BAZ1B: variants seen among roughly 807,000 people sequenced by gnomAD.
BAZ1B encodes bromodomain adjacent to zinc finger domain 1B, also known as tyrosine-protein kinase BAZ1B.
In BAZ1B, 22 loss-of-function variants were observed where a neutral mutation model predicts 153.8. The ratio of observed to expected loss-of-function variants is 0.14; its 90% CI spans 0.10 to 0.20. BAZ1B has a LOEUF of 0.20. BAZ1B is among the 10% of genes least tolerant of loss of function. The probability of loss-of-function intolerance (pLI) is 1.00; values close to 1 mark genes in which losing one functional copy is unlikely to be tolerated. For synonymous variants in BAZ1B, 676 were observed against 633.4 expected, an observed-to-expected ratio of 1.07 and a Z score of -1.01; for missense variants, 1,325 against 1,799.3, an observed-to-expected ratio of 0.74 and a Z score of 4.77.
chr7:73,498,553 T>C lies in BAZ1B; in HGVS notation c.515A>G (p.Asp172Gly), dbSNP rs1790007181. 3.1e-6 allele frequency: 5 copies of C among 1,614,014 alleles called. No individual in the cohort carries two copies. Among genetic ancestry groups the C allele is most frequent in the Admixed American group, 1.7e-5 (1 of 59,988 alleles). ...CACAACTGTCTCCTTCTTCTGATGG[T>C]CCTGAGCAATCTGACTGGAGTTCTC... ...DKENSSQIAQ[D>G]HQKKETVVKE... is the part of the protein sequence containing the mutation. Residue 172 changes from aspartate (D) to glycine (G), a missense_variant, in exon 4 of 20, where the codon GAC becomes GGC. Transcript: ENST00000339594.
intron 11 of BAZ1B, 124 bp downstream of exon 11, chr7:73,465,315 A>T (rs111313072): frequency 1.7e-5 from 10 of 602,740 alleles, no homozygotes; most frequent in Middle Eastern, 4.7e-4. Flanking sequence ...ATGAACACAA[A>T]ACGGTTACAC....
At chr7:73,509,987 CGTG>C (rs1790511387) in intron 2 of BAZ1B, among the ~76,000 whole-genome samples, 1 of 150,066 alleles carries the variant, frequency 6.7e-6, no homozygotes, top group African/African-American at 2.5e-5. Context: ...ATTAGCCAGG[CGTG>C]GTGGTGAGCG....
At chr7:73,514,546 A>C (rs190006084) in intron 1 of BAZ1B, among the ~76,000 whole-genome samples, 1,540 of 152,110 alleles carry the variant, frequency 0.01, 16 homozygotes, top group Non-Finnish European at 0.016. Flanking sequence ...AAAAAAAAAA[A>C]AAAACTGCAT....
At chr7:73,442,119 G>C (rs1583878646) in intron 19 of BAZ1B, 62 bp downstream of exon 19, 1 of 1,074,898 alleles carries the variant, frequency 9.3e-7, no homozygotes, top group East Asian at 2.4e-5. Flanking sequence ...CCAGGTTCTT[G>C]GTCTTCCTCG....
At chr7:73,442,136 T>TGGCCCCC in intron 19 of BAZ1B, 45 bp downstream of exon 19, 1 of 573,492 alleles carries the variant, frequency 1.7e-6, no homozygotes. Flanking sequence ...CTCGCTCGCC[T>TGGCCCCC]CCCTCCCACC....
intron 7 of BAZ1B, among the ~76,000 whole-genome samples, chr7:73,473,653 AC>A (rs1788896498): frequency 6.6e-6 from 1 of 152,224 alleles, no homozygotes; most frequent in Non-Finnish European, 1.5e-5. Context: ...AGTAGTGTAA[AC>A]TAAAATTTGT....
intron 1 of BAZ1B, among the ~76,000 whole-genome samples, chr7:73,511,546 C>CA (rs1343194041): frequency 6.6e-6 from 1 of 151,216 alleles, no homozygotes; most frequent in South Asian, 2.1e-4. Context: ...TCGTGTTTTA[C>CA]AAAAAAAATT....
intron 1 of BAZ1B, among the ~76,000 whole-genome samples, chr7:73,515,432 G>A (rs1162178761): frequency 2.0e-5 from 3 of 151,992 alleles, no homozygotes; most frequent in Non-Finnish European, 4.4e-5. Flanking sequence ...TCCCGGAAGA[G>A]GCTTAAAGTC....
intron 1 of BAZ1B, among the ~76,000 whole-genome samples, chr7:73,515,818 C>A (rs537223861): frequency 8.5e-5 from 13 of 152,196 alleles, no homozygotes; most frequent in African/African-American, 3.1e-4. Context: ...CTGGCATGAA[C>A]AACCATACCA....
chr7:73,506,357 G>T (rs1790341100), intron 3 of BAZ1B, among the ~76,000 whole-genome samples: 1 of 151,916 alleles, frequency 6.6e-6, no homozygotes, highest in African/African-American at 2.4e-5. Context: ...AAATTAGCCG[G>T]GGGTGGTGGT....
At chr7:73,487,353 C>T (rs578240831) in intron 6 of BAZ1B, among the ~76,000 whole-genome samples, 3 of 152,040 alleles carry the variant, frequency 2.0e-5, no homozygotes, top group Non-Finnish European at 4.4e-5. Context: ...CACTTGAGCC[C>T]AGAAATTTCA....
At chr7:73,499,291 G>A (rs558027707) in intron 3 of BAZ1B, among the ~76,000 whole-genome samples, 1 of 152,216 alleles carries the variant, frequency 6.6e-6, no homozygotes, top group East Asian at 1.9e-4. Flanking sequence ...GCCTCCCAAA[G>A]GGCTGGGATT....
Position 73,470,389 on chromosome 7 carries a change from T to A in BAZ1B, c.2688A>T (p.Leu896=). 2 of 1,614,150 alleles carry A rather than the reference T, an allele frequency of 1.2e-6. No homozygotes were observed. The highest frequency in any genetic ancestry group is 1.7e-6 in the Non-Finnish European group (2 of 1,180,006). Residue 896 remains leucine (L), a synonymous_variant, in exon 8 of 20, where the codon CTA becomes CTT. Coordinates refer to ENST00000339594, the MANE Select transcript of BAZ1B (RefSeq NM_032408.4). ...AFQEGIAKAK[L]VMRRTPIGTD... ...TGCCAATAGGAGTCCTGCGCATGACTAGTTTGGCCTTGGCAATCCCTTCCT... is the reference window on the plus strand; with the variant it reads ...TGCCAATAGGAGTCCTGCGCATGACAAGTTTGGCCTTGGCAATCCCTTCCT...
rs1787873009 is a variant in BAZ1B at position 73,447,292 on chromosome 7, T to C, written c.3816A>G (p.Glu1272=). 1.9e-6 allele frequency: 3 copies of C among 1,609,042 alleles called. No homozygotes were observed. The highest frequency in any genetic ancestry group is 1.3e-5 in the African/African-American group (1 of 74,994). ...GCAAACCAGCCACCTCATAATCTTC[T>C]TCCTCCTCCTCCTCTTCTTCCTCCT... ...EEEEEEEEEE[E]EDYEVAGLRL... The change falls in exon 16 of 20, where the codon GAA becomes GAG. Residue 1272 remains glutamate (E), a synonymous_variant. Transcript: ENST00000339594.
intron 19 of BAZ1B, 34 bp downstream of exon 19, chr7:73,442,147 C>CCCCCCT: frequency 4.0e-6 from 3 of 744,364 alleles, no homozygotes; most frequent in South Asian, 3.4e-5. Flanking sequence ...CCCTCCCACC[C>CCCCCCT]TCCCTAGCTG....
At position 73,476,937 on chromosome 7, in the gene BAZ1B, C is replaced by G. The variant is rs1319329159; in HGVS notation, c.2524G>C (p.Val842Leu). ...ATGGCAAGCAACCTTCTGCTCTTCACAGCACTAATCATGTCTTCAGCTTCT... is the reference window on the plus strand; with the variant it reads ...ATGGCAAGCAACCTTCTGCTCTTCAGAGCACTAATCATGTCTTCAGCTTCT... ...DTEAEDMISAVKSRRLLAIQA... is the reference protein window; with the variant it reads ...DTEAEDMISALKSRRLLAIQA... The change falls in exon 7 of 20, where the codon GTG (valine) becomes CTG (leucine). Residue 842 changes from valine (V) to leucine (L), a missense_variant. Around this residue, in one of 9 missense-constraint regions of BAZ1B, gnomAD observed 431 missense variants for 563.5 expected, o/e 0.76. Coordinates refer to ENST00000339594, the MANE Select transcript of BAZ1B (RefSeq NM_032408.4). The G allele has an allele frequency of 4.3e-6, 7 of 1,613,976 alleles. No individual in the cohort carries two copies. Among genetic ancestry groups the G allele is most frequent in the African/African-American group, 1.3e-5 (1 of 74,920 alleles).
At chr7:73,481,889 A>T (rs77525347) in intron 6 of BAZ1B, among the ~76,000 whole-genome samples, 2 of 150,930 alleles carry the variant, frequency 1.3e-5, no homozygotes, top group East Asian at 4.0e-4. Context: ...TACAAAAAAA[A>T]TTAGCCTGGC....
At chr7:73,476,308 G>A (rs1054545278) in intron 7 of BAZ1B, among the ~76,000 whole-genome samples, 3 of 152,208 alleles carry the variant, frequency 2.0e-5, no homozygotes, top group East Asian at 3.9e-4. Context: ...ACTGTATGTC[G>A]ATTATTTCTT....
intron 11 of BAZ1B, among the ~76,000 whole-genome samples, chr7:73,464,765 A>G (rs1467941036): frequency 1.3e-5 from 2 of 152,078 alleles, no homozygotes; most frequent in Non-Finnish European, 2.9e-5. Flanking sequence ...TCGCTCTCTC[A>G]CCCAGGCCAG....
Sources: allele counts gnomAD v4.1 joint callset (sites outside exome capture counted in the v4.1 genomes callset), GRCh38; gene constraint gnomAD v4.1.1; regional missense constraint gnomAD v4.1.1; transcripts MANE v1.5; gene names NCBI Gene and HGNC (gene_info 2026-07-23, HGNC 2026-07-21).